SMG7: variants seen among roughly 807,000 people sequenced by gnomAD.
SMG7 encodes SMG7 nonsense mediated mRNA decay factor.
Under a neutral mutation model 148.2 loss-of-function variants are expected in SMG7, and 34 were observed. The ratio of observed to expected loss-of-function variants is 0.23; its 90% CI spans 0.17 to 0.31. SMG7 has a LOEUF of 0.31. Among genes scored for constraint, SMG7 ranks in the 10% least tolerant of loss-of-function variants. The pLI is 1.00. For missense variants in SMG7, 1,114 were observed against 1,408.4 expected, an observed-to-expected ratio of 0.79 and a Z score of 3.35; for synonymous variants, 492 against 515.1, an observed-to-expected ratio of 0.96 and a Z score of 0.61.
chr1:183,472,545 G>A lies in SMG7; in HGVS notation c.-76G>A. 1 of 1,333,868 alleles carries A rather than the reference G, an allele frequency of 7.5e-7. No homozygotes were observed. Among genetic ancestry groups the A allele is most frequent in the Non-Finnish European group, 9.7e-7 (1 of 1,030,720 alleles). 82.6% of individuals were successfully genotyped at this position (1,333,868 alleles called of 1,614,324 possible). ...ATGGCGGCGGCCGCCAGCACCCGCG[G>A]TGCCGCGGGGCCGCTCCGAGGAGCC... On this transcript the variant is annotated 5_prime_UTR_variant, in exon 1 of 23. It adds an upstream start codon to the 5' untranslated region. Transcript: ENST00000688051.
At chr1:183,515,358 A>G (rs969985957) in intron 2 of SMG7, among the ~76,000 whole-genome samples, 1 of 152,200 alleles carries the variant, frequency 6.6e-6, no homozygotes, top group African/African-American at 2.4e-5. Flanking sequence ...CAGAATACCA[A>G]AGCAACTGCT....
Position 183,546,184 on chromosome 1 carries a change from A to G in SMG7, c.2589A>G (p.Glu863=), listed in dbSNP as rs1372249462. 2 of 1,613,992 alleles carry G rather than the reference A, an allele frequency of 1.2e-6. No individual in the cohort carries two copies. Among genetic ancestry groups the G allele is most frequent in the Non-Finnish European group, 1.7e-6 (2 of 1,180,014 alleles). The part of the protein sequence containing the change: ...PMEPYNHNPS[E]VKVPEFYWDS... ...AGCCATATAACCATAATCCCTCAGA[A>G]GTCAAGGTCCCAGAATTCTACTGGG... Residue 863 remains glutamate (E), a synonymous_variant, in exon 17 of 23, where the codon GAA becomes GAG. Coordinates refer to ENST00000688051, the MANE Select transcript of SMG7 (RefSeq NM_001375584.1).
At chr1:183,505,095 G>T (rs1660604012) in intron 1 of SMG7, among the ~76,000 whole-genome samples, 1 of 149,334 alleles carries the variant, frequency 6.7e-6, no homozygotes. Flanking sequence ...ACACTCTCAA[G>T]TGTCTCCCAT....
chr1:183,510,529 C>G (rs1421253201), intron 1 of SMG7, among the ~76,000 whole-genome samples: 1 of 151,928 alleles, frequency 6.6e-6, no homozygotes, highest in Non-Finnish European at 1.5e-5. Flanking sequence ...TAGTATTCTT[C>G]ATTTATGTTG....
At chr1:183,512,271 A>C (rs954295467) in intron 1 of SMG7, among the ~76,000 whole-genome samples, 6 of 152,210 alleles carry the variant, frequency 3.9e-5, no homozygotes, top group Non-Finnish European at 8.8e-5. Flanking sequence ...ATTGTTCTTA[A>C]ATATTAAATA....
chr1:183,511,158 C>CT (rs1662049090), intron 1 of SMG7, among the ~76,000 whole-genome samples: 1 of 151,816 alleles, frequency 6.6e-6, no homozygotes, highest in African/African-American at 2.4e-5. Flanking sequence ...AAAAATCTCT[C>CT]TTAAGTTTAT....
intron 8 of SMG7, 78 bp downstream of exon 8, chr1:183,529,611 T>G: frequency 8.4e-7 from 1 of 1,191,688 alleles, no homozygotes; most frequent in East Asian, 2.4e-5. Flanking sequence ...GACTCCCAGT[T>G]TTTGTAGTTA....
intron 13 of SMG7, among the ~76,000 whole-genome samples, chr1:183,541,582 G>T (rs139619367): frequency 6.6e-6 from 1 of 152,120 alleles, no homozygotes; most frequent in Non-Finnish European, 1.5e-5. Context: ...TTCGAGTTCC[G>T]CAGCTTCTCA....
chr1:183,542,927 ATGTGTG>A (rs3979479), intron 14 of SMG7, among the ~76,000 whole-genome samples: 1,187 of 85,130 alleles, frequency 0.014, 8 homozygotes, highest in African/African-American at 0.04. Flanking sequence ...ATATATATAT[ATGTGTG>A]TGTGTGTGTG....
chr1:183,517,150 C>T (rs1663734470), intron 3 of SMG7, among the ~76,000 whole-genome samples: 1 of 152,044 alleles, frequency 6.6e-6, no homozygotes, highest in Non-Finnish European at 1.5e-5. Flanking sequence ...TGTAAATAGC[C>T]AAATTTGAAA....
rs12750093 is a variant in SMG7, at chr1:183,541,190, C to A, written c.1415+87C>A. 5.2e-6 allele frequency: 6 copies of A among 1,159,506 alleles called. No individual in the cohort carries two copies. The South Asian group carries it at 8.1e-5, about 16-fold the overall frequency. The allele number at this position is 1,159,506 out of a possible 1,614,324, so 71.8% of individuals were successfully genotyped here. A position where few individuals can be genotyped will look rare whatever the true frequency, so the allele number is the denominator to read the frequency against. On this transcript the variant is annotated intron_variant, in intron 13 of 22. Transcript: ENST00000688051. ...CACACGCGCGCGCACACACACACAT[C>A]TCATATGTTACGTATTTTAGGCTTT...
At chr1:183,513,589 C>G (rs1367858309) in intron 2 of SMG7, among the ~76,000 whole-genome samples, 1 of 152,078 alleles carries the variant, frequency 6.6e-6, no homozygotes, top group East Asian at 1.9e-4. Context: ...TCAGGCTGGT[C>G]TCGAACTCCT....
intron 1 of SMG7, among the ~76,000 whole-genome samples, chr1:183,506,394 A>G (rs1313309142): frequency 6.6e-6 from 1 of 152,132 alleles, no homozygotes; most frequent in African/African-American, 2.4e-5. Flanking sequence ...TCTTTTCCAA[A>G]TGACATTCAA....
intron 1 of SMG7, chr1:183,473,731 AAG>A: frequency 1.0e-6 from 1 of 985,336 alleles, no homozygotes; most frequent in Non-Finnish European, 1.2e-6. Flanking sequence ...GAGCAGAACT[AAG>A]AAAGGGAGGC....
At chr1:183,477,695 T>G (rs902638092) in intron 1 of SMG7, among the ~76,000 whole-genome samples, 12 of 149,170 alleles carry the variant, frequency 8.0e-5, no homozygotes, top group Middle Eastern at 3.2e-3. Flanking sequence ...TGCATATGTG[T>G]ATATATGCAT....
rs1357479597 is a variant in SMG7 at position 183,529,386 on chromosome 1, C to T, written c.708-12C>T. 3.8e-6 allele frequency: 6 copies of T among 1,599,840 alleles called. No individual in the cohort carries two copies. Among genetic ancestry groups the T allele is most frequent in the Middle Eastern group, 1.7e-4 (1 of 5,954 alleles). ...TGCTTATGATTCATGGAATTTTTTT[C>T]TTTCATTTCAGCCGAGATGAGGTGA... is the stretch of plus-strand genomic sequence containing the variant. On this transcript the variant is annotated splice_polypyrimidine_tract_variant and intron_variant, in intron 7 of 22. Coordinates refer to ENST00000688051, the MANE Select transcript of SMG7 (RefSeq NM_001375584.1).
chr1:183,516,683 A>G (rs1204803955), intron 3 of SMG7, among the ~76,000 whole-genome samples: 1 of 152,206 alleles, frequency 6.6e-6, no homozygotes, highest in Non-Finnish European at 1.5e-5. Flanking sequence ...TTTGGTGAAG[A>G]TTAGTTTTTT....
In SMG7 at chr1:183,533,758, A is replaced by G. The variant is rs769904447; in HGVS notation, c.1089A>G (p.Ala363=). Residue 363 remains alanine, a synonymous_variant, in exon 10 of 23, where the codon GCA becomes GCG. Transcript: ENST00000688051. ...EESYNAYPLP[A]VKVSMDWLRL... is the part of the protein sequence containing the mutation. ...CCTACAATGCCTATCCTCTTCCAGC[A>G]GTCAAGGTCTCCATGGACTGGCTAA... 8 of 1,613,628 alleles carry G rather than the reference A, an allele frequency of 5.0e-6. No individual in the cohort carries two copies. Among genetic ancestry groups the G allele is most frequent in the Non-Finnish European group, 6.8e-6 (8 of 1,179,732 alleles).
chr1:183,492,598 C>T (rs1422951042), intron 1 of SMG7, among the ~76,000 whole-genome samples: 2 of 152,138 alleles, frequency 1.3e-5, no homozygotes, highest in Non-Finnish European at 2.9e-5. Context: ...TGCTTGGGTT[C>T]TGATTGCAAT....
Sources: gnomAD v4.1 joint callset for allele counts (sites outside exome capture counted in the v4.1 genomes callset) on GRCh38, gnomAD v4.1.1 for gene constraint, MANE v1.5 for transcripts, NCBI Gene and HGNC (gene_info 2026-07-23, HGNC 2026-07-21) for gene names.